Variants in CSMD1 observed in about 807,000 individuals in gnomAD.
The protein encoded by CSMD1 is CUB and Sushi multiple domains 1, also known as CUB and sushi domain-containing protein 1.
In CSMD1, 213 loss-of-function variants were observed where a neutral mutation model predicts 417.5. That is an observed-to-expected ratio of 0.51 (90% CI 0.46 to 0.57). The LOEUF (loss-of-function observed/expected upper bound fraction) is 0.57, where lower values mean the gene tolerates loss of function less well. Ranked by LOEUF, CSMD1 falls within the 20% of genes least tolerant of loss-of-function variation. The pLI is 0.00. For missense variants in CSMD1, 6,923 were observed against 4,529.7 expected (o/e 1.53, Z -15.17); for synonymous variants, 2,862 against 1,736.8 (o/e 1.65, Z -16.11).
intron 1 of CSMD1, among the ~76,000 whole-genome samples, chr8:4,839,747 C>T (rs897013464): frequency 6.6e-6 from 1 of 152,070 alleles, no homozygotes; most frequent in Non-Finnish European, 1.5e-5. Context: ...TTAATAGCCT[C>T]GAATTTTAAA....
chr8:4,539,415 G>A (rs1043672869), intron 2 of CSMD1, among the ~76,000 whole-genome samples: 1 of 152,130 alleles, frequency 6.6e-6, no homozygotes, highest in African/African-American at 2.4e-5. Context: ...TTTCATTTAT[G>A]ATGGCATTAC....
intron 5 of CSMD1, among the ~76,000 whole-genome samples, chr8:3,898,131 A>G (rs1807491295): frequency 6.6e-6 from 1 of 152,180 alleles, no homozygotes; most frequent in Admixed American, 6.5e-5. Flanking sequence ...CAGAGTTTCT[A>G]CCAGCTGAGT....
chr8:3,439,157 GA>G (rs1384498414), intron 12 of CSMD1, among the ~76,000 whole-genome samples: 3 of 38,252 alleles, frequency 7.8e-5, no homozygotes, highest in African/African-American at 1.1e-4. Flanking sequence ...AAAAAACCAA[GA>G]AAAAAAAAAG....
At chr8:4,281,340 A>G (rs545460380) in intron 3 of CSMD1, among the ~76,000 whole-genome samples, 2 of 152,362 alleles carry the variant, frequency 1.3e-5, no homozygotes, top group Non-Finnish European at 2.9e-5. Flanking sequence ...TCCCAGGCCC[A>G]CAGAGTAAGA....
intron 12 of CSMD1, among the ~76,000 whole-genome samples, chr8:3,416,302 CAAA>C (rs11358404): frequency 6.0e-3 from 351 of 58,898 alleles, no homozygotes; most frequent in African/African-American, 8.9e-3. Flanking sequence ...GACTCCGTCT[CAAA>C]AAAAAAAAAA....
At chr8:4,292,862 G>C (rs758149620) in intron 3 of CSMD1, among the ~76,000 whole-genome samples, 1 of 152,114 alleles carries the variant, frequency 6.6e-6, no homozygotes, top group South Asian at 2.1e-4. Context: ...AATATTTAAT[G>C]GGTTAATTTA....
intron 3 of CSMD1, among the ~76,000 whole-genome samples, chr8:4,114,811 G>C (rs985701843): frequency 1.3e-5 from 2 of 152,170 alleles, no homozygotes; most frequent in Non-Finnish European, 2.9e-5. Flanking sequence ...GAAATAGCGA[G>C]AGGTAAAATT....
At chr8:3,147,813 C>T (rs555653305) in intron 40 of CSMD1, among the ~76,000 whole-genome samples, 3 of 152,192 alleles carry the variant, frequency 2.0e-5, no homozygotes, top group South Asian at 2.1e-4. Context: ...CTCTGAAAAC[C>T]GAGGAGGGGA....
chr8:3,355,488 C>T (rs1808718280), intron 21 of CSMD1, among the ~76,000 whole-genome samples: 1 of 152,154 alleles, frequency 6.6e-6, no homozygotes, highest in African/African-American at 2.4e-5. Flanking sequence ...TCACGACTGC[C>T]CTGGCCACAA....
At chr8:3,633,713 A>C (rs1296086521) in intron 7 of CSMD1, among the ~76,000 whole-genome samples, 1 of 151,570 alleles carries the variant, frequency 6.6e-6, no homozygotes, top group Non-Finnish European at 1.5e-5. Flanking sequence ...TCCTTCAATT[A>C]AAAATGGAAA....
At chr8:3,364,069 C>T (rs1478208065) in intron 20 of CSMD1, among the ~76,000 whole-genome samples, 1 of 152,048 alleles carries the variant, frequency 6.6e-6, no homozygotes, top group Non-Finnish European at 1.5e-5. Context: ...GATATAAAAG[C>T]ATATGAATAC....
chr8:4,665,619 C>T (rs1804873819), intron 1 of CSMD1, among the ~76,000 whole-genome samples: 1 of 152,168 alleles, frequency 6.6e-6, no homozygotes, highest in Non-Finnish European at 1.5e-5. Flanking sequence ...AGTGTGCATG[C>T]AGCCTTTTGC....
intron 2 of CSMD1, among the ~76,000 whole-genome samples, chr8:4,470,484 G>A (rs981769698): frequency 6.6e-6 from 1 of 152,170 alleles, no homozygotes; most frequent in Admixed American, 6.5e-5. Flanking sequence ...ATGCTTAACT[G>A]GAAGGATAAG....
intron 3 of CSMD1, among the ~76,000 whole-genome samples, chr8:4,295,212 T>A (rs868646523): frequency 6.2e-5 from 2 of 32,414 alleles, no homozygotes; most frequent in South Asian, 1.4e-3. Context: ...TCTTAAGATT[T>A]TCTATATAAT....
chr8:4,358,395 G>C (rs4875095), intron 3 of CSMD1, among the ~76,000 whole-genome samples: 1 of 152,020 alleles, frequency 6.6e-6, no homozygotes, highest in African/African-American at 2.4e-5. Flanking sequence ...GAAGGGGACT[G>C]TTTCGTGACA....
intron 11 of CSMD1, among the ~76,000 whole-genome samples, chr8:3,485,175 G>T (rs1475330604): frequency 1.3e-5 from 2 of 152,104 alleles, no homozygotes; most frequent in African/African-American, 4.8e-5. Context: ...TCCATCTGTG[G>T]GTGAATATAA....
At position 3,411,977 on chromosome 8, in the gene CSMD1, TAC is replaced by T. The variant is rs1249409959; in HGVS notation, c.1562-2374_1562-2373del. Among the ~76,000 whole-genome samples the T allele has an allele frequency of 3.6e-4, 23 of 64,362 alleles. 2 individuals carry two copies. Among genetic ancestry groups the T allele is most frequent in the Admixed American group, 5.5e-4 (3 of 5,496 alleles). The allele number at this position is 64,362 out of a possible 152,430, so 42.2% of individuals were successfully genotyped here. ...ATACACGTATATATGCACGTATATATACACGTATATATACGTGTATATACACG... is the reference window on the plus strand; with the variant it reads ...ATACACGTATATATGCACGTATATATACGTATATATACGTGTATATACACG... On this transcript the variant is annotated intron_variant, in intron 12 of 69. Coordinates refer to ENST00000635120, the MANE Select transcript of CSMD1 (RefSeq NM_033225.6).
intron 3 of CSMD1, among the ~76,000 whole-genome samples, chr8:4,403,383 C>T (rs1278162618): frequency 6.6e-6 from 1 of 152,116 alleles, no homozygotes. Context: ...TCTCTAACTT[C>T]TCTCATCTAA....
chr8:3,471,968 C>G (rs371653378), intron 11 of CSMD1, among the ~76,000 whole-genome samples: 1 of 152,044 alleles, frequency 6.6e-6, no homozygotes, highest in East Asian at 1.9e-4. Flanking sequence ...TTTGGGATTA[C>G]AGGTGATGTC....
Sources: allele counts gnomAD v4.1 joint callset (sites outside exome capture counted in the v4.1 genomes callset), GRCh38; gene constraint gnomAD v4.1.1; transcripts MANE v1.5; gene names NCBI Gene and HGNC (gene_info 2026-07-23, HGNC 2026-07-21).